Variants in PDE1A observed in about 807,000 individuals in gnomAD.
PDE1A encodes phosphodiesterase 1A, also known as dual specificity calcium/calmodulin-dependent 3',5'-cyclic nucleotide phosphodiesterase 1A.
Under a neutral mutation model 61.7 loss-of-function variants are expected in PDE1A, and 35 were observed. The observed-to-expected ratio is 0.57, with a 90% CI of 0.43 to 0.75. PDE1A has a LOEUF of 0.75. Among genes scored for constraint, PDE1A ranks in the 30% least tolerant of loss-of-function variants. PDE1A has a pLI of 0.00. For synonymous variants in PDE1A, 232 were observed against 213.2 expected, an observed-to-expected ratio of 1.09 and a Z score of -0.77; for missense variants, 597 against 630.6, an observed-to-expected ratio of 0.95 and a Z score of 0.57.
chr2:182,560,120 A>G, the PDE1A span, among the ~76,000 whole-genome samples: 1 of 150,228 alleles, frequency 6.7e-6, no homozygotes, highest in East Asian at 2.0e-4. Flanking sequence ...TGTGCAGGTT[A>G]GTTACATATC....
intron 1 of PDE1A, among the ~76,000 whole-genome samples, chr2:182,423,301 A>G (rs1265016129): frequency 6.6e-6 from 1 of 152,208 alleles, no homozygotes; most frequent in East Asian, 1.9e-4. Context: ...AATTTTTTAA[A>G]AAATAGATTT....
In PDE1A at chr2:182,443,852, C is replaced by T. The variant is rs374783421; in HGVS notation, c.101+78424G>A. On this transcript the variant is annotated intron_variant, in intron 2 of 14. Coordinates refer to the PDE1A transcript ENST00000410103. ...CCAAGTAGCTGGGATTACAGGCATG[C>T]GCCACCATGCCCGGCTAATTTTGTA... 1.0e-3 allele frequency among the ~76,000 whole-genome samples: 159 copies of T among 151,702 alleles called. 2 individuals are homozygous for T. The highest frequency in any genetic ancestry group is 3.4e-3 in the Middle Eastern group (1 of 294).
At chr2:182,314,648 CA>C (rs1696215570) in intron 1 of PDE1A, 1 of 152,016 alleles carries the variant, frequency 6.6e-6, no homozygotes, top group South Asian at 2.1e-4. Context: ...TGATAGTGAT[CA>C]AAAGCAGATA....
chr2:182,703,860 G>A, the PDE1A span, among the ~76,000 whole-genome samples: 1 of 152,144 alleles, frequency 6.6e-6, no homozygotes, highest in East Asian at 1.9e-4. Flanking sequence ...GTCAATTCTT[G>A]TGGCCATGGT....
the PDE1A span, among the ~76,000 whole-genome samples, chr2:182,714,777 T>C: frequency 1.3e-5 from 2 of 152,138 alleles, no homozygotes; most frequent in Admixed American, 1.3e-4. Context: ...CAGGCTGGTC[T>C]CGACCTCTTG....
Position 182,201,795 on chromosome 2 carries a change from G to A in PDE1A, c.903-6C>T. On this transcript the variant is annotated splice_polypyrimidine_tract_variant and splice_region_variant and intron_variant, in intron 8 of 13. Transcript: ENST00000351439. ...TCACTAGGTTCCGAAGATCCCTGCA[G>A]AGTCACCAAAAGGAGAAAGGTTCAT... is the stretch of plus-strand genomic sequence containing the variant. 1 of 1,572,134 alleles carries A rather than the reference G, an allele frequency of 6.4e-7. No homozygotes were observed. Among genetic ancestry groups the A allele is most frequent in the South Asian group, 1.2e-5 (1 of 86,004 alleles).
intron 1 of PDE1A, among the ~76,000 whole-genome samples, chr2:182,343,499 T>A (rs1698328127): frequency 6.6e-6 from 1 of 152,212 alleles, no homozygotes; most frequent in African/African-American, 2.4e-5. Context: ...ATATGTTTCT[T>A]CTAAGATAAG....
intron 2 of PDE1A, among the ~76,000 whole-genome samples, chr2:182,492,218 A>C (rs1430143): frequency 0.41 from 61,996 of 151,906 alleles, 12,948 homozygotes; most frequent in African/African-American, 0.47. Flanking sequence ...TTTCATACTA[A>C]ATTGGACTAC....
chr2:182,244,588 T>TC (rs1003428592), intron 2 of PDE1A, among the ~76,000 whole-genome samples: 2 of 152,010 alleles, frequency 1.3e-5, no homozygotes, highest in African/African-American at 4.8e-5. Flanking sequence ...TATTATTTTT[T>TC]CTACAGAATT....
At chr2:182,180,188 T>A (rs1220425968) in intron 13 of PDE1A, among the ~76,000 whole-genome samples, 1 of 151,852 alleles carries the variant, frequency 6.6e-6, no homozygotes, top group Non-Finnish European at 1.5e-5. Flanking sequence ...TAATAGCTTA[T>A]CATTGTTTCA....
At position 182,308,076 on chromosome 2, in the gene PDE1A, T is replaced by G. The variant is rs528877197; in HGVS notation, c.54-43662A>C. On this transcript the variant is annotated intron_variant, in intron 1 of 13. Coordinates refer to ENST00000351439, the Ensembl canonical transcript of PDE1A. The stretch of plus-strand genomic sequence containing the variant: ...TTAAATGAAAATTGAATTTGAAAAA[T>G]AATGTCCACTGGAGAAATTACTCTT... Among the ~76,000 whole-genome samples the G allele has an allele frequency of 1.1e-3, 172 of 152,224 alleles. 1 individual carries two copies. Among genetic ancestry groups the G allele is most frequent in the African/African-American group, 3.9e-3 (163 of 41,556 alleles).
intron 1 of PDE1A, among the ~76,000 whole-genome samples, chr2:182,361,005 C>A (rs1699472491): frequency 6.6e-6 from 1 of 152,036 alleles, no homozygotes; most frequent in African/African-American, 2.4e-5. Context: ...AGCATTACCT[C>A]ATTTAGTCCT....
At chr2:182,354,058 ATAAAG>A (rs1190009673) in intron 1 of PDE1A, among the ~76,000 whole-genome samples, 2 of 152,132 alleles carry the variant, frequency 1.3e-5, no homozygotes, top group African/African-American at 2.4e-5. Flanking sequence ...TCCTGAATAC[ATAAAG>A]TATTCACGTA....
At chr2:182,486,683 T>C (rs1472803572) in intron 2 of PDE1A, among the ~76,000 whole-genome samples, 1 of 152,112 alleles carries the variant, frequency 6.6e-6, no homozygotes, top group Non-Finnish European at 1.5e-5. Context: ...CATTGGGAAA[T>C]GGATGATCTT....
At chr2:182,645,987 T>A in the PDE1A span, among the ~76,000 whole-genome samples, 63 of 152,302 alleles carry the variant, frequency 4.1e-4, no homozygotes, top group Non-Finnish European at 6.5e-4. Context: ...GGGAAGGAAA[T>A]GTCATATTTT....
At chr2:182,591,599 T>C in the PDE1A span, among the ~76,000 whole-genome samples, 3 of 152,100 alleles carry the variant, frequency 2.0e-5, no homozygotes, top group Non-Finnish European at 4.4e-5. Flanking sequence ...GGGTGAGTGA[T>C]GAGATTTTAT....
the PDE1A span, among the ~76,000 whole-genome samples, chr2:182,689,459 A>T: frequency 3.9e-5 from 6 of 152,222 alleles, no homozygotes; most frequent in Admixed American, 3.9e-4. Flanking sequence ...AGGCAGAAAT[A>T]AAAATGTTCT....
At chr2:182,277,793 T>C (rs527533850) in intron 1 of PDE1A, among the ~76,000 whole-genome samples, 1 of 152,000 alleles carries the variant, frequency 6.6e-6, no homozygotes, top group African/African-American at 2.4e-5. Flanking sequence ...ATGCACTGAG[T>C]TTCAGCAGGT....
chr2:182,499,547 C>A (rs1470657757), intron 2 of PDE1A, among the ~76,000 whole-genome samples: 1 of 152,002 alleles, frequency 6.6e-6, no homozygotes, highest in Non-Finnish European at 1.5e-5. Context: ...ACGAAATTCC[C>A]GAACAGCAGA....
Sources: gnomAD v4.1 joint callset for allele counts (sites outside exome capture counted in the v4.1 genomes callset) on GRCh38, gnomAD v4.1.1 for gene constraint, MANE v1.5 for transcripts, NCBI Gene and HGNC (gene_info 2026-07-23, HGNC 2026-07-21) for gene names.